ZNF407: variants seen among roughly 807,000 people sequenced by gnomAD.
ZNF407 encodes the protein zinc finger protein 407.
ZNF407 carries 17 observed loss-of-function variants against 131.2 expected under a neutral mutation model. That is an observed-to-expected ratio of 0.13 (90% CI 0.09 to 0.19). The LOEUF (loss-of-function observed/expected upper bound fraction) is 0.19, where lower values mean the gene tolerates loss of function less well. Among genes scored for constraint, ZNF407 ranks in the 10% least tolerant of loss-of-function variants. The pLI, the probability that ZNF407 is intolerant of heterozygous loss-of-function variation, is 1.00. For missense variants in ZNF407, 2,681 were observed against 2,830.6 expected (o/e 0.95, Z 1.20); for synonymous variants, 1,156 against 1,062.0 (o/e 1.09, Z -1.72).
intron 1 of ZNF407, among the ~76,000 whole-genome samples, chr18:74,627,434 A>G (rs534799184): frequency 9.2e-5 from 14 of 152,230 alleles, no homozygotes; most frequent in Middle Eastern, 3.4e-3. Context: ...TTACTCTTCA[A>G]TTGCAAATGT....
At chr18:74,956,536 G>A (rs1246694108) in intron 8 of ZNF407, among the ~76,000 whole-genome samples, 2 of 151,990 alleles carry the variant, frequency 1.3e-5, no homozygotes, top group Admixed American at 1.3e-4. Context: ...TTCCATTCTA[G>A]TGTACACACA....
At chr18:74,770,673 G>A (rs920872229) in intron 3 of ZNF407, among the ~76,000 whole-genome samples, 2 of 152,094 alleles carry the variant, frequency 1.3e-5, no homozygotes, top group African/African-American at 4.8e-5. Flanking sequence ...AAATAAAGCA[G>A]TACAACCTTG....
intron 1 of ZNF407, among the ~76,000 whole-genome samples, chr18:74,615,926 T>C (rs1194034549): frequency 2.6e-5 from 4 of 152,048 alleles, no homozygotes; most frequent in Non-Finnish European, 5.9e-5. Context: ...TGCAATGGCA[T>C]GATCTCGGCT....
chr18:74,824,187 A>G (rs1970378751), intron 4 of ZNF407, among the ~76,000 whole-genome samples: 1 of 152,242 alleles, frequency 6.6e-6, no homozygotes, highest in African/African-American at 2.4e-5. Context: ...ACAACGTACC[A>G]GAATCTCTGG....
In ZNF407 at chr18:75,063,556, G is replaced by A; in HGVS notation, c.5835G>A (p.Gly1945=). Residue 1945 remains glycine, a synonymous_variant, in exon 9 of 9, where the codon GGG becomes GGA. Coordinates refer to ENST00000299687, the MANE Select transcript of ZNF407 (RefSeq NM_017757.3). The surrounding 1 kb of genome is among the most constrained non-coding windows in gnomAD (Gnocchi z 6.6). ...GAGCCACCCAGGTGGTCGTCGTGGG[G>A]GGCTCCATGGAAGGCCACGGCATGG... is the stretch of plus-strand genomic sequence containing the variant. ...ADGATQVVVV[G]GSMEGHGMDE... is the part of the protein sequence containing the mutation. 1.3e-6 allele frequency: 2 copies of A among 1,567,282 alleles called. No homozygotes were observed. Among genetic ancestry groups the A allele is most frequent in the Non-Finnish European group, 1.7e-6 (2 of 1,157,592 alleles).
chr18:74,681,455 C>G (rs1354272707), intron 3 of ZNF407, among the ~76,000 whole-genome samples: 1 of 152,134 alleles, frequency 6.6e-6, no homozygotes, highest in Non-Finnish European at 1.5e-5. Flanking sequence ...GTTGCCCAGG[C>G]TAGTCTCAAA....
At chr18:74,856,549 G>GT (rs1970861731) in intron 4 of ZNF407, among the ~76,000 whole-genome samples, 1 of 152,118 alleles carries the variant, frequency 6.6e-6, no homozygotes, top group African/African-American at 2.4e-5. Context: ...GCAGCTGAGG[G>GT]TTTTTCTTCC....
At chr18:74,617,414 C>T (rs1322353995) in intron 1 of ZNF407, among the ~76,000 whole-genome samples, 3 of 152,210 alleles carry the variant, frequency 2.0e-5, no homozygotes, top group Non-Finnish European at 4.4e-5. Flanking sequence ...AGTCTGAGAA[C>T]AGGCACTGCA....
intron 3 of ZNF407, among the ~76,000 whole-genome samples, chr18:74,766,358 C>T (rs1156911153): frequency 6.6e-6 from 1 of 152,098 alleles, no homozygotes; most frequent in Non-Finnish European, 1.5e-5. Flanking sequence ...TTAAACTTAC[C>T]CATGAGGTTC....
intron 8 of ZNF407, among the ~76,000 whole-genome samples, chr18:75,031,003 TG>T (rs2122222024): frequency 1.3e-5 from 2 of 152,332 alleles, no homozygotes; most frequent in South Asian, 4.2e-4. Context: ...ATAACCCTCT[TG>T]GGCCATGGGT....
intron 3 of ZNF407, among the ~76,000 whole-genome samples, chr18:74,668,913 A>G (rs139642631): frequency 5.4e-4 from 82 of 152,124 alleles, no homozygotes; most frequent in African/African-American, 1.7e-3. Flanking sequence ...TATATCATTA[A>G]AAAAAACCTA....
At chr18:74,957,114 T>G (rs1972284562) in intron 8 of ZNF407, among the ~76,000 whole-genome samples, 1 of 152,180 alleles carries the variant, frequency 6.6e-6, no homozygotes, top group African/African-American at 2.4e-5. Flanking sequence ...GGCCATAACC[T>G]GCAGCTTTAG....
At chr18:74,998,428 T>A (rs1054154801) in intron 8 of ZNF407, among the ~76,000 whole-genome samples, 1 of 152,238 alleles carries the variant, frequency 6.6e-6, no homozygotes. Context: ...AATACCTGTC[T>A]GTGTTCTCCT....
intron 1 of ZNF407, among the ~76,000 whole-genome samples, chr18:74,619,952 A>T (rs1983448981): frequency 6.6e-6 from 1 of 151,904 alleles, no homozygotes; most frequent in African/African-American, 2.4e-5. Context: ...ATGGCATTGA[A>T]TTTTTTCACT....
At chr18:74,874,547 T>G (rs2554137) in intron 4 of ZNF407, among the ~76,000 whole-genome samples, 151,688 of 152,198 alleles carry the variant, frequency 1, 75,590 homozygotes, top group Middle Eastern at 1. Flanking sequence ...GTCACAGCTG[T>G]TGAGGCCTGT....
At chr18:74,829,401 T>C (rs1448842488) in intron 4 of ZNF407, among the ~76,000 whole-genome samples, 1 of 152,244 alleles carries the variant, frequency 6.6e-6, no homozygotes, top group Non-Finnish European at 1.5e-5. Context: ...GTTGTCATAG[T>C]TCAATGAATC....
chr18:74,935,376 A>G (rs940645409), intron 8 of ZNF407, among the ~76,000 whole-genome samples: 15 of 152,214 alleles, frequency 9.9e-5, no homozygotes, highest in African/African-American at 2.7e-4. Context: ...CATCTGGTCA[A>G]CACTGAAATG....
At chr18:74,927,339 G>A (rs1047204599) in intron 8 of ZNF407, among the ~76,000 whole-genome samples, 2 of 152,184 alleles carry the variant, frequency 1.3e-5, no homozygotes, top group Non-Finnish European at 2.9e-5. Context: ...GGTTAATGAA[G>A]TTTTTTCAGT....
At chr18:75,045,666 C>T (rs1251119182) in intron 8 of ZNF407, among the ~76,000 whole-genome samples, 2 of 152,212 alleles carry the variant, frequency 1.3e-5, no homozygotes, top group Non-Finnish European at 2.9e-5. Flanking sequence ...TTCTTTGCTG[C>T]ACCGTTTGTT....
Sources: gnomAD v4.1 joint callset for allele counts (sites outside exome capture counted in the v4.1 genomes callset) on GRCh38, gnomAD v4.1.1 for gene constraint, Gnocchi (gnomAD v3.1) non-coding constraint, MANE v1.5 for transcripts, NCBI Gene and HGNC (gene_info 2026-07-23, HGNC 2026-07-21) for gene names.